The following NEO1 variants were observed in gnomAD, a reference collection of about 807,000 sequenced individuals.
The protein encoded by NEO1 is neogenin 1.
Under a neutral mutation model 159.7 loss-of-function variants are expected in NEO1, and 63 were observed. The ratio of observed to expected loss-of-function variants is 0.39; its 90% confidence interval spans 0.32 to 0.49. The LOEUF (loss-of-function observed/expected upper bound fraction) is 0.49. Among genes scored for constraint, NEO1 ranks in the 20% least tolerant of loss-of-function variants. The pLI is 0.85. For synonymous variants in NEO1, 633 were observed against 662.0 expected (o/e 0.96, Z 0.67); for missense variants, 1,615 against 1,831.0 (o/e 0.88, Z 2.15).
intron 13 of NEO1, 104 bp downstream of exon 13, chr15:73,254,933 T>C: frequency 1.6e-6 from 2 of 1,289,518 alleles, no homozygotes; most frequent in Non-Finnish European, 2.1e-6. Flanking sequence ...TACAAACAAA[T>C]TTAAAATGGT....
rs370905172 is a variant in NEO1, at chr15:73,204,251, C to T, written c.1291+25824C>T. The stretch of plus-strand genomic sequence containing the variant: ...TTATTCTGCCGTCTTTCAAGATTTT[C>T]GCTTTGTCTTTGGTTTTCTGCAGTT... On this transcript the variant is annotated intron_variant, in intron 7 of 28. Transcript: ENST00000261908. Among the ~76,000 whole-genome samples, 28 of 151,226 alleles carry T rather than the reference C, an allele frequency of 1.9e-4. 1 individual carries two copies. In the South Asian group the frequency reaches 5.5e-3, roughly 30 times the overall value.
chr15:73,136,835 C>T lies in NEO1; in HGVS notation c.1015+808C>T, dbSNP rs181390819. The stretch of plus-strand genomic sequence containing the variant: ...ACTAAAGTGACCAAAGGTCACTTTT[C>T]TACCTCTTCTTCCCACCCCCTCAAA... On this transcript the variant is annotated intron_variant, in intron 5 of 28. Coordinates refer to ENST00000261908, the MANE Select transcript of NEO1 (RefSeq NM_002499.4). 1.8e-4 allele frequency among the ~76,000 whole-genome samples: 27 copies of T among 152,236 alleles called. No homozygotes were observed. The East Asian group carries it at 4.4e-3, about 25-fold the overall frequency.
In NEO1 at chr15:73,193,463, CA is replaced by C. The variant is rs767387669; in HGVS notation, c.1291+15038del. Among the ~76,000 whole-genome samples, 3 of 151,608 alleles carry C rather than the reference CA, an allele frequency of 2.0e-5. 1 individual carries two copies. Among genetic ancestry groups the C allele is most frequent in the Admixed American group, 1.3e-4 (2 of 15,166 alleles). ...ATCACTTTAGCAAGTTTAATGTTTTCAAGACAAAAATTTATGTTCTTTTTTC... is the reference window on the plus strand; with the variant it reads ...ATCACTTTAGCAAGTTTAATGTTTTCAGACAAAAATTTATGTTCTTTTTTC... On this transcript the variant is annotated intron_variant, in intron 7 of 28. Transcript: ENST00000261908.
rs57104045 is a variant in NEO1, at chr15:73,223,213, A to G, written c.1292-13134A>G. On this transcript the variant is annotated intron_variant, in intron 7 of 28. Coordinates refer to ENST00000261908, the MANE Select transcript of NEO1 (RefSeq NM_002499.4). ...ATTGAGGCTCACTTTATGGCCTATCATGGAGAAAGTTCCATGCCCTGTTGA... is the reference window on the plus strand; with the variant it reads ...ATTGAGGCTCACTTTATGGCCTATCGTGGAGAAAGTTCCATGCCCTGTTGA... Among the ~76,000 whole-genome samples, 1,474 of 152,266 alleles carry G rather than the reference A, an allele frequency of 9.7e-3. 22 individuals carry two copies. Among genetic ancestry groups the G allele is most frequent in the African/African-American group, 0.034 (1,392 of 41,552 alleles).
At chr15:73,190,215 C>T (rs2036163783) in intron 7 of NEO1, among the ~76,000 whole-genome samples, 1 of 152,130 alleles carries the variant, frequency 6.6e-6, no homozygotes, top group African/African-American at 2.4e-5. Flanking sequence ...TTTTATTGGC[C>T]TTTCTTCCTG....
Position 73,292,246 on chromosome 15 carries a change from G to C in NEO1, c.3743-1144G>C, listed in dbSNP as rs141457978. Among the ~76,000 whole-genome samples the C allele has an allele frequency of 2.7e-3, 414 of 152,318 alleles. 3 individuals are homozygous for C. Among genetic ancestry groups the C allele is most frequent in the African/African-American group, 9.5e-3 (394 of 41,570 alleles). On this transcript the variant is annotated intron_variant, in intron 25 of 28. Coordinates refer to ENST00000261908, the MANE Select transcript of NEO1 (RefSeq NM_002499.4). ...TGTTGACCAGGATTTCTTTTCACCA[G>C]AGTAATGTTGAATAGCCCCACAAAG...
intron 1 of NEO1, among the ~76,000 whole-genome samples, chr15:73,092,328 A>C (rs1370276353): frequency 1.3e-5 from 2 of 152,212 alleles, no homozygotes; most frequent in Non-Finnish European, 2.9e-5. Context: ...TAAGAGCTTT[A>C]TTTTAAAGCT....
chr15:73,095,784 G>C (rs1289906834), intron 1 of NEO1, among the ~76,000 whole-genome samples: 2 of 151,452 alleles, frequency 1.3e-5, no homozygotes, highest in Non-Finnish European at 2.9e-5. Flanking sequence ...GAAAGTTCAT[G>C]GAAAATGCAT....
intron 1 of NEO1, among the ~76,000 whole-genome samples, chr15:73,073,045 T>C (rs1275224061): frequency 6.6e-6 from 1 of 152,166 alleles, no homozygotes; most frequent in Non-Finnish European, 1.5e-5. Context: ...ACCTTTGTGA[T>C]ATCCAGGGGC....
intron 5 of NEO1, among the ~76,000 whole-genome samples, chr15:73,153,887 C>G (rs1048491693): frequency 6.6e-6 from 1 of 152,030 alleles, no homozygotes; most frequent in Admixed American, 6.6e-5. Flanking sequence ...AATAGTTGTT[C>G]CATTTTAAAA....
chr15:73,289,976 G>A (rs1567708451), intron 25 of NEO1, among the ~76,000 whole-genome samples: 2 of 151,598 alleles, frequency 1.3e-5, no homozygotes, highest in Admixed American at 6.6e-5. Flanking sequence ...ATAAAGCCAG[G>A]CATCGTGGCA....
At chr15:73,240,204 AT>A (rs1011942516) in intron 8 of NEO1, among the ~76,000 whole-genome samples, 8 of 151,570 alleles carry the variant, frequency 5.3e-5, no homozygotes, top group East Asian at 1.9e-4. Context: ...ATTGAGACTT[AT>A]TTTTTTTTAA....
chr15:73,107,924 G>C (rs895925578), intron 1 of NEO1, among the ~76,000 whole-genome samples: 5 of 152,194 alleles, frequency 3.3e-5, no homozygotes, highest in Admixed American at 6.5e-5. Context: ...GCTCATGCCT[G>C]CATTCCCAGC....
chr15:73,089,544 C>T (rs368667723), intron 1 of NEO1, among the ~76,000 whole-genome samples: 2 of 150,224 alleles, frequency 1.3e-5, no homozygotes, highest in East Asian at 1.9e-4. Flanking sequence ...ATAACAAATG[C>T]GTTAAAAAGA....
Position 73,136,006 on chromosome 15 carries a change from C to G in NEO1, c.994C>G (p.Gln332Glu), listed in dbSNP as rs981614413. Residue 332 changes from glutamine to glutamate, a missense_variant, in exon 5 of 29, where the codon CAA (glutamine) becomes GAA (glutamate). Coordinates refer to ENST00000261908, the MANE Select transcript of NEO1 (RefSeq NM_002499.4). ...ADNGNETIEA[Q>E]AELTVQAQPE... Reference sequence around the variant, plus strand: ...TAATGGAAATGAGACAATTGAAGCTCAAGCAGAGCTTACAGTGCAAGGTAT... The same window carrying G: ...TAATGGAAATGAGACAATTGAAGCTGAAGCAGAGCTTACAGTGCAAGGTAT... 6.2e-6 allele frequency: 10 copies of G among 1,610,698 alleles called. No homozygotes were observed. The Admixed American group carries it at 6.7e-5, about 11-fold the overall frequency.
intron 5 of NEO1, among the ~76,000 whole-genome samples, chr15:73,168,185 TTTTTG>T (rs1392218840): frequency 1.3e-5 from 2 of 151,298 alleles, no homozygotes; most frequent in African/African-American, 2.4e-5. Context: ...TTAAGGAAGT[TTTTTG>T]TTTTGTTTTG....
At chr15:73,153,515 TCA>T (rs2033543683) in intron 5 of NEO1, among the ~76,000 whole-genome samples, 1 of 152,174 alleles carries the variant, frequency 6.6e-6, no homozygotes, top group Non-Finnish European at 1.5e-5. Flanking sequence ...GAAATCTGGG[TCA>T]AAGGGAACTA....
intron 5 of NEO1, among the ~76,000 whole-genome samples, chr15:73,166,339 C>G (rs189897900): frequency 6.6e-6 from 1 of 152,160 alleles, no homozygotes; most frequent in Non-Finnish European, 1.5e-5. Context: ...ACTAACAGTT[C>G]CTCTTCTGGG....
chr15:73,139,854 A>G (rs1247308749), intron 5 of NEO1, among the ~76,000 whole-genome samples: 1 of 152,244 alleles, frequency 6.6e-6, no homozygotes, highest in Non-Finnish European at 1.5e-5. Context: ...TAGTTGTGAC[A>G]GAGACCATAT....
Sources: gnomAD v4.1 joint callset for allele counts (sites outside exome capture counted in the v4.1 genomes callset) on GRCh38, gnomAD v4.1.1 for gene constraint, MANE v1.5 for transcripts, NCBI Gene and HGNC (gene_info 2026-07-23, HGNC 2026-07-21) for gene names.